The following PTPRD variants were observed in gnomAD, a reference collection of about 807,000 sequenced individuals.
PTPRD encodes the protein receptor-type tyrosine-protein phosphatase delta.
In PTPRD, 34 loss-of-function variants were observed where a neutral mutation model predicts 214.5. The ratio of observed to expected loss-of-function variants is 0.16; its 90% CI spans 0.12 to 0.21. The LOEUF is 0.21. Among genes scored for constraint, PTPRD ranks in the 10% least tolerant of loss-of-function variants. PTPRD has a pLI of 1.00. For synonymous variants in PTPRD, 1,128 were observed against 845.7 expected, an observed-to-expected ratio of 1.33 and a Z score of -5.79; for missense variants, 2,545 against 2,398.7, an observed-to-expected ratio of 1.06 and a Z score of -1.27.
At chr9:8,526,718 G>C in intron 16 of PTPRD, 74 bp from the exon 17 acceptor site, 2 of 1,222,576 alleles carry the variant, frequency 1.6e-6, no homozygotes, top group Non-Finnish European at 2.3e-6. Flanking sequence ...GGCTAGGGCT[G>C]GGGAGAAGAA....
At chr9:9,336,068 C>T (rs963430833) in intron 9 of PTPRD, among the ~76,000 whole-genome samples, 2 of 152,054 alleles carry the variant, frequency 1.3e-5, no homozygotes, top group Non-Finnish European at 2.9e-5. Flanking sequence ...ATATTTCCAT[C>T]ACAGGTTAAA....
chr9:8,424,417 A>C (rs1291675177), intron 35 of PTPRD, among the ~76,000 whole-genome samples: 1 of 152,142 alleles, frequency 6.6e-6, no homozygotes, highest in Non-Finnish European at 1.5e-5. Flanking sequence ...CATGTGGTTC[A>C]ACATACCTTC....
chr9:9,944,620 T>C (rs1308002637), intron 4 of PTPRD, among the ~76,000 whole-genome samples: 1 of 151,938 alleles, frequency 6.6e-6, no homozygotes, highest in Non-Finnish European at 1.5e-5. Context: ...GTGAAGAGTA[T>C]TCCAAGAATA....
Position 8,316,220 on chromosome 9 carries a change from A to G in PTPRD, c.*1654T>C. ...AAAACTAGGAATGCATATTATTCAAAGAGTTTTTGTACATGTGGTAAACAG... is the reference window on the plus strand; with the variant it reads ...AAAACTAGGAATGCATATTATTCAAGGAGTTTTTGTACATGTGGTAAACAG... On this transcript the variant is annotated 3_prime_UTR_variant, in exon 46 of 46. Coordinates refer to ENST00000381196, the MANE Select transcript of PTPRD (RefSeq NM_002839.4). The G allele has an allele frequency of 4.3e-6, 1 of 230,062 alleles. No individual in the cohort carries two copies. The highest frequency in any genetic ancestry group is 8.6e-6 in the Non-Finnish European group (1 of 115,786). 14.3% of individuals were successfully genotyped at this position (230,062 alleles called of 1,614,324 possible).
chr9:9,671,601 G>T (rs528322734), intron 7 of PTPRD, among the ~76,000 whole-genome samples: 1 of 152,064 alleles, frequency 6.6e-6, no homozygotes, highest in South Asian at 2.1e-4. Context: ...CTTGTGGGAG[G>T]GACCCAGTGG....
chr9:8,688,530 G>A lies in PTPRD; in HGVS notation c.64+45250C>T, dbSNP rs370494309. On this transcript the variant is annotated intron_variant, in intron 12 of 45. Coordinates refer to ENST00000381196, the MANE Select transcript of PTPRD (RefSeq NM_002839.4). ...CAGTGAGCCGAGATCGCACCACTGC[G>A]CTCCAGCCTGGGCGATAGAGCGAGA... Among the ~76,000 whole-genome samples, 46 of 148,136 alleles carry A rather than the reference G, an allele frequency of 3.1e-4. 1 individual carries two copies. The South Asian group carries it at 6.3e-3, about 20-fold the overall frequency.
intron 5 of PTPRD, among the ~76,000 whole-genome samples, chr9:9,931,374 G>A (rs569847434): frequency 1.2e-4 from 19 of 152,268 alleles, no homozygotes; most frequent in South Asian, 1.2e-3. Flanking sequence ...TGCGTGCACC[G>A]TGCGTGAGCC....
At chr9:8,331,936 ATTTATT>A (rs1323792082) in intron 43 of PTPRD, among the ~76,000 whole-genome samples, 200 bp from the exon 44 acceptor site, 6 of 37,176 alleles carry the variant, frequency 1.6e-4, no homozygotes, top group Middle Eastern at 0.037. Flanking sequence ...TAAATCCTAA[ATTTATT>A]TACTCTTGAA....
At chr9:9,978,104 A>ACACACACACATG (rs1555422943) in intron 4 of PTPRD, among the ~76,000 whole-genome samples, 7 of 151,102 alleles carry the variant, frequency 4.6e-5, no homozygotes, top group Non-Finnish European at 7.4e-5. Flanking sequence ...ATTAAAACAC[A>ACACACACACATG]CACACACACA....
chr9:8,726,336 C>G (rs2098557073), intron 12 of PTPRD, among the ~76,000 whole-genome samples: 1 of 151,294 alleles, frequency 6.6e-6, no homozygotes, highest in African/African-American at 2.4e-5. Flanking sequence ...CGACTATAAT[C>G]CCAGCACTTT....
intron 13 of PTPRD, among the ~76,000 whole-genome samples, chr9:8,635,339 C>T (rs1285303968): frequency 6.6e-6 from 1 of 151,554 alleles, no homozygotes; most frequent in Non-Finnish European, 1.5e-5. Context: ...AAATTAACTT[C>T]ATTTAAATTT....
chr9:8,700,014 G>C (rs528631045), intron 12 of PTPRD, among the ~76,000 whole-genome samples: 1 of 152,154 alleles, frequency 6.6e-6, no homozygotes, highest in East Asian at 1.9e-4. Context: ...CTTAAAATAT[G>C]GGACATACAA....
intron 9 of PTPRD, among the ~76,000 whole-genome samples, chr9:9,237,437 A>G (rs1018453790): frequency 6.6e-6 from 1 of 152,064 alleles, no homozygotes; most frequent in African/African-American, 2.4e-5. Context: ...CTTTACAACA[A>G]CACCACCACC....
chr9:9,692,793 T>C (rs775706223), intron 7 of PTPRD, among the ~76,000 whole-genome samples: 1 of 152,028 alleles, frequency 6.6e-6, no homozygotes, highest in Non-Finnish European at 1.5e-5. Flanking sequence ...TTTAGTGGCC[T>C]CTTAAATTTC....
chr9:10,186,304 A>T (rs1040768129), intron 3 of PTPRD, among the ~76,000 whole-genome samples: 7 of 152,132 alleles, frequency 4.6e-5, no homozygotes, highest in Admixed American at 2.6e-4. Context: ...AATTTATATG[A>T]TCAATCTTTT....
chr9:8,727,031 G>A (rs890791954), intron 12 of PTPRD, among the ~76,000 whole-genome samples: 3 of 151,462 alleles, frequency 2.0e-5, no homozygotes, highest in African/African-American at 7.3e-5. Context: ...AGAATGAGAG[G>A]AAAATTAAAG....
intron 2 of PTPRD, among the ~76,000 whole-genome samples, chr9:10,574,830 A>ATATATATC (rs142119750): frequency 2.0e-5 from 3 of 149,072 alleles, no homozygotes; most frequent in Non-Finnish European, 4.5e-5. Context: ...ATATATATAT[A>ATATATATC]TATCTTAGAT....
At chr9:9,781,875 C>T (rs1214648573) in intron 5 of PTPRD, among the ~76,000 whole-genome samples, 1 of 151,572 alleles carries the variant, frequency 6.6e-6, no homozygotes, top group Non-Finnish European at 1.5e-5. Flanking sequence ...TCGCTGCAAG[C>T]TCCGCCTCCC....
intron 5 of PTPRD, among the ~76,000 whole-genome samples, chr9:9,925,737 C>T (rs1401179346): frequency 6.6e-6 from 1 of 151,974 alleles, no homozygotes; most frequent in Admixed American, 6.6e-5. Flanking sequence ...TTCTTCTATG[C>T]ACCTTTTTTC....
Sources: gnomAD v4.1 joint callset for allele counts (sites outside exome capture counted in the v4.1 genomes callset) on GRCh38, gnomAD v4.1.1 for gene constraint, MANE v1.5 for transcripts, NCBI Gene and HGNC (gene_info 2026-07-23, HGNC 2026-07-21) for gene names.